ADGRL2: variants seen among roughly 807,000 people sequenced by gnomAD.
ADGRL2 encodes calcium-independent alpha-latrotoxin receptor 2.
In ADGRL2, 44 loss-of-function variants were observed where a neutral mutation model predicts 157.4. That is an observed-to-expected ratio of 0.28 (90% confidence interval 0.22 to 0.36). The LOEUF is 0.36. ADGRL2 is among the 10% of genes least tolerant of loss of function. The probability of loss-of-function intolerance (pLI) is 1.00; values close to 1 mark genes in which losing one functional copy is unlikely to be tolerated. For synonymous variants in ADGRL2, 585 were observed against 624.7 expected (o/e 0.94, Z 0.95); for missense variants, 1,510 against 1,768.9 (o/e 0.85, Z 2.63).
chr1:81,443,459 T>G (rs1262564956), intron 1 of ADGRL2, among the ~76,000 whole-genome samples: 6 of 151,776 alleles, frequency 4.0e-5, no homozygotes, highest in Non-Finnish European at 7.4e-5. Context: ...AAAAGTTCAC[T>G]GAGTGATATT....
At chr1:81,511,400 G>T (rs201206037) in intron 2 of ADGRL2, among the ~76,000 whole-genome samples, 8 of 127,226 alleles carry the variant, frequency 6.3e-5, no homozygotes, top group African/African-American at 2.4e-4. Context: ...AAAAAAGCGC[G>T]CACACACACA....
intron 2 of ADGRL2, among the ~76,000 whole-genome samples, chr1:81,791,364 T>C (rs558591090): frequency 6.6e-6 from 1 of 152,228 alleles, no homozygotes; most frequent in East Asian, 1.9e-4. Context: ...GGCACAGTGT[T>C]ATAGCTGGGT....
chr1:81,711,823 C>T (rs1288385686), intron 1 of ADGRL2, among the ~76,000 whole-genome samples: 2 of 152,084 alleles, frequency 1.3e-5, no homozygotes, highest in African/African-American at 2.4e-5. Flanking sequence ...GTCCAGGGAC[C>T]CCAGAGGATC....
At chr1:81,483,261 TCTTA>T (rs1485591148) in intron 2 of ADGRL2, among the ~76,000 whole-genome samples, 8 of 152,146 alleles carry the variant, frequency 5.3e-5, no homozygotes, top group Non-Finnish European at 5.9e-5. Flanking sequence ...TTTATATGAG[TCTTA>T]CTTAAGCCAT....
At chr1:81,918,042 ATGG>A in intron 3 of ADGRL2, among the ~76,000 whole-genome samples, 1 of 152,164 alleles carries the variant, frequency 6.6e-6, no homozygotes, top group Non-Finnish European at 1.5e-5. Context: ...CCCCTCATTT[ATGG>A]TGGCTTAGGA....
intron 2 of ADGRL2, among the ~76,000 whole-genome samples, chr1:81,530,791 G>A (rs1476353049): frequency 6.6e-6 from 1 of 152,080 alleles, no homozygotes; most frequent in East Asian, 1.9e-4. Flanking sequence ...AGTTTAGAAA[G>A]TTAAATACCT....
intron 1 of ADGRL2, among the ~76,000 whole-genome samples, chr1:81,740,518 G>C (rs960091599): frequency 2.4e-4 from 36 of 152,270 alleles, no homozygotes; most frequent in Admixed American, 1.6e-3. Flanking sequence ...AAGCTTCAAT[G>C]CTTTTTGGCC....
chr1:81,393,654 A>G (rs1014765743), intron 1 of ADGRL2, among the ~76,000 whole-genome samples: 2 of 152,174 alleles, frequency 1.3e-5, no homozygotes, highest in Non-Finnish European at 2.9e-5. Flanking sequence ...GGATGCTACC[A>G]TGTAAGACCC....
Position 81,815,636 on chromosome 1 carries a change from A to G in ADGRL2, c.-101+14568A>G, listed in dbSNP as rs557753783. ...AAATATTTTATAGAATTATGGTGAC[A>G]GTTTGTACAAATAGGGTGACATAGA... is the stretch of plus-strand genomic sequence containing the variant. On this transcript the variant is annotated intron_variant, in intron 1 of 23. Coordinates refer to ENST00000686636, the MANE Select transcript of ADGRL2 (RefSeq NM_001366006.2). Among the ~76,000 whole-genome samples, 146 of 151,912 alleles carry G rather than the reference A, an allele frequency of 9.6e-4. 1 individual carries two copies. The Middle Eastern group carries it at 0.024, about 25-fold the overall frequency.
At chr1:81,451,038 T>G (rs561318637) in intron 2 of ADGRL2, among the ~76,000 whole-genome samples, 161 of 152,284 alleles carry the variant, frequency 1.1e-3, no homozygotes, top group African/African-American at 3.6e-3. Context: ...CTCTTCTCAT[T>G]TATTATTCAT....
intron 3 of ADGRL2, among the ~76,000 whole-genome samples, chr1:81,614,841 A>G (rs2081609680): frequency 7.4e-6 from 1 of 134,652 alleles, no homozygotes; most frequent in African/African-American, 2.8e-5. Context: ...ACCCATCTCT[A>G]CAAATTAAAA....
chr1:81,656,808 GA>G (rs2082543305), intron 3 of ADGRL2, among the ~76,000 whole-genome samples: 1 of 151,914 alleles, frequency 6.6e-6, no homozygotes, highest in South Asian at 2.1e-4. Context: ...CCAGGAGTTT[GA>G]AAACAGCCTG....
intron 3 of ADGRL2, among the ~76,000 whole-genome samples, chr1:81,666,259 G>C (rs1184070915): frequency 3.9e-5 from 6 of 152,194 alleles, no homozygotes; most frequent in Non-Finnish European, 7.3e-5. Flanking sequence ...AAAAGATGCA[G>C]TACCATAAAC....
intron 3 of ADGRL2, among the ~76,000 whole-genome samples, chr1:81,603,185 T>A (rs898618730): frequency 6.6e-6 from 1 of 152,216 alleles, no homozygotes; most frequent in Non-Finnish European, 1.5e-5. Context: ...AAATATGTAG[T>A]TCCTGTCTCC....
chr1:81,465,279 A>G (rs914719779), intron 2 of ADGRL2, among the ~76,000 whole-genome samples: 1 of 152,182 alleles, frequency 6.6e-6, no homozygotes, highest in African/African-American at 2.4e-5. Flanking sequence ...ATCTTTTTAC[A>G]TTTGGATTTT....
intron 1 of ADGRL2, among the ~76,000 whole-genome samples, chr1:81,376,838 A>G (rs2076259146): frequency 6.6e-6 from 1 of 152,132 alleles, no homozygotes; most frequent in Non-Finnish European, 1.5e-5. Flanking sequence ...GTTTGCCAAC[A>G]CTAACAGCAG....
chr1:81,573,808 A>T (rs1475064342), intron 2 of ADGRL2, among the ~76,000 whole-genome samples: 2 of 152,172 alleles, frequency 1.3e-5, no homozygotes, highest in Non-Finnish European at 2.9e-5. Context: ...GAATCCTTAT[A>T]TTTGAGTTTC....
intron 1 of ADGRL2, among the ~76,000 whole-genome samples, chr1:81,827,462 G>A (rs568566346): frequency 2.0e-4 from 30 of 152,286 alleles, no homozygotes; most frequent in African/African-American, 6.7e-4. Flanking sequence ...GCCAAACAAA[G>A]TAGTAAGATA....
intron 3 of ADGRL2, among the ~76,000 whole-genome samples, chr1:81,606,745 CGTGT>C (rs56718232): frequency 0.35 from 50,940 of 146,862 alleles, 8,673 homozygotes; most frequent in Admixed American, 0.41. Context: ...AGAGGATCAA[CGTGT>C]GTGTGTGTGT....
Sources: gnomAD v4.1 joint callset for allele counts (sites outside exome capture counted in the v4.1 genomes callset) on GRCh38, gnomAD v4.1.1 for gene constraint, MANE v1.5 for transcripts, NCBI Gene and HGNC (gene_info 2026-07-23, HGNC 2026-07-21) for gene names.